Variants in AASS observed in about 807,000 individuals in gnomAD.
AASS encodes the protein aminoadipate-semialdehyde synthase.
Under a neutral mutation model 105.4 loss-of-function variants are expected in AASS, and 86 were observed. The ratio of observed to expected loss-of-function variants is 0.82; its 90% CI spans 0.69 to 0.98. The LOEUF (loss-of-function observed/expected upper bound fraction) is 0.98, where lower values mean the gene tolerates loss of function less well. AASS is among the 50% of genes least tolerant of loss of function. AASS has a pLI of 0.00. For missense variants in AASS, 1,048 were observed against 1,143.2 expected, an observed-to-expected ratio of 0.92 and a Z score of 1.20; for synonymous variants, 381 against 394.8, an observed-to-expected ratio of 0.96 and a Z score of 0.41.
chr7:122,116,456 C>T (rs1459211689), intron 8 of AASS, among the ~76,000 whole-genome samples, 177 bp downstream of exon 8: 3 of 152,092 alleles, frequency 2.0e-5, no homozygotes, highest in Non-Finnish European at 2.9e-5. Flanking sequence ...AAGCACTAAG[C>T]GAGACTACTC....
At chr7:122,117,621 CTTAT>C (rs997545561) in intron 6 of AASS, among the ~76,000 whole-genome samples, 23 of 151,700 alleles carry the variant, frequency 1.5e-4, no homozygotes, top group Admixed American at 1.5e-3. Context: ...AATGAATTAT[CTTAT>C]TTATTTATTT....
chr7:122,141,909 A>C (rs893169016), intron 1 of AASS, among the ~76,000 whole-genome samples: 1 of 152,184 alleles, frequency 6.6e-6, no homozygotes, highest in Non-Finnish European at 1.5e-5. Flanking sequence ...TGAGAATTAC[A>C]AAAACATTAG....
chr7:122,111,172 G>A (rs1794912491), intron 11 of AASS, among the ~76,000 whole-genome samples: 1 of 152,096 alleles, frequency 6.6e-6, no homozygotes, highest in Non-Finnish European at 1.5e-5. Flanking sequence ...ACATTGTAAA[G>A]TGGTTTTTAT....
intron 19 of AASS, among the ~76,000 whole-genome samples, chr7:122,085,064 G>C (rs1002461827): frequency 1.3e-5 from 2 of 152,146 alleles, no homozygotes; most frequent in African/African-American, 4.8e-5. Flanking sequence ...CCTGGATTTA[G>C]GGTGAACCCT....
At chr7:122,108,424 A>G (rs893103502) in intron 11 of AASS, among the ~76,000 whole-genome samples, 1 of 152,126 alleles carries the variant, frequency 6.6e-6, no homozygotes, top group Non-Finnish European at 1.5e-5. Flanking sequence ...AAAATTTTCA[A>G]CAAAATACTA....
intron 13 of AASS, 52 bp from the exon 14 acceptor site, chr7:122,098,918 T>A: frequency 6.7e-7 from 1 of 1,501,334 alleles, no homozygotes. Context: ...AATTAAAAAT[T>A]TTTTTTTAAA....
At chr7:122,097,034 T>C (rs1794188350) in intron 15 of AASS, among the ~76,000 whole-genome samples, 1 of 152,134 alleles carries the variant, frequency 6.6e-6, no homozygotes, top group Non-Finnish European at 1.5e-5. Context: ...CAATTTTTTC[T>C]AAATAAAAAT....
chr7:122,092,751 T>G, intron 17 of AASS, 92 bp downstream of exon 17: 2 of 1,099,734 alleles, frequency 1.8e-6, no homozygotes, highest in Non-Finnish European at 2.8e-6. Flanking sequence ...TAACTTTGAT[T>G]AAAGGTGTTG....
intron 3 of AASS, 88 bp from the exon 4 acceptor site, chr7:122,126,547 A>AT: frequency 1.8e-6 from 2 of 1,124,176 alleles, no homozygotes; most frequent in Non-Finnish European, 2.7e-6. Context: ...AATATTTCAC[A>AT]TTTTTTCCTC....
At position 122,093,097 on chromosome 7, in the gene AASS, T is replaced by C. The variant is rs1161266531; in HGVS notation, c.1717A>G (p.Met573Val). The C allele has an allele frequency of 1.9e-6, 3 of 1,613,888 alleles. No homozygotes were observed. The African/African-American group carries it at 4.0e-5, about 22-fold the overall frequency. The change falls in exon 16 of 24, where the codon ATG becomes GTG. Residue 573 changes from methionine (M) to valine (V), a missense_variant. By Grantham distance (21) the Met-to-Val change is conservative (BLOSUM62 1). Coordinates refer to ENST00000417368, the MANE Select transcript of AASS (RefSeq NM_005763.4). ...GGTGTGATGTAGCTTGCAGTGACCA[T>C]GTTAACTTTGTTTGTGATGCAGGCC... ...AKACITNKVN[M>V]VTASYITPAL... is the part of the protein sequence containing the mutation.
intron 11 of AASS, among the ~76,000 whole-genome samples, chr7:122,112,874 G>T (rs1037960379): frequency 2.6e-5 from 4 of 152,232 alleles, no homozygotes; most frequent in Middle Eastern, 3.4e-3. Context: ...CTTAATAAAA[G>T]ACCTATAATG....
chr7:122,134,445 C>T (rs930511756), intron 1 of AASS, among the ~76,000 whole-genome samples: 8 of 152,250 alleles, frequency 5.3e-5, no homozygotes, highest in African/African-American at 1.9e-4. Context: ...TTGCTTACTG[C>T]AGTCTGGGCT....
At chr7:122,080,741 T>C (rs1461063768) in intron 20 of AASS, among the ~76,000 whole-genome samples, 1 of 152,178 alleles carries the variant, frequency 6.6e-6, no homozygotes, top group Non-Finnish European at 1.5e-5. Flanking sequence ...TATATACACC[T>C]ACTATGTACC....
intron 15 of AASS, among the ~76,000 whole-genome samples, chr7:122,096,957 G>A (rs1794182240): frequency 6.6e-6 from 1 of 152,078 alleles, no homozygotes; most frequent in South Asian, 2.1e-4. Context: ...CAGAAGGCTA[G>A]ATCATTCTAT....
chr7:122,123,033 TCA>T (rs1239880837), intron 4 of AASS, among the ~76,000 whole-genome samples: 2 of 152,148 alleles, frequency 1.3e-5, no homozygotes, highest in Non-Finnish European at 2.9e-5. Flanking sequence ...CCTTATACAT[TCA>T]GTTAAGTCTC....
chr7:122,101,786 G>C (rs1794444100), intron 11 of AASS, 106 bp from the exon 12 acceptor site: 1 of 897,808 alleles, frequency 1.1e-6, no homozygotes, highest in African/African-American at 1.7e-5. Context: ...AATAATTTAA[G>C]AAACAGTTTT....
intron 11 of AASS, among the ~76,000 whole-genome samples, chr7:122,107,738 G>A (rs536547625): frequency 6.6e-6 from 1 of 152,144 alleles, no homozygotes; most frequent in Admixed American, 6.5e-5. Context: ...ACACACACTG[G>A]GGCCTTCCTG....
intron 22 of AASS, 44 bp from the exon 23 acceptor site, chr7:122,078,058 A>G: frequency 6.4e-7 from 1 of 1,573,532 alleles, no homozygotes; most frequent in Non-Finnish European, 8.7e-7. Flanking sequence ...TATCATTACA[A>G]CTCAAATATT....
chr7:122,094,720 C>G (rs1487696719), intron 15 of AASS, among the ~76,000 whole-genome samples: 1 of 152,130 alleles, frequency 6.6e-6, no homozygotes, highest in East Asian at 1.9e-4. Context: ...AAAACCCAAT[C>G]AAAGTTGAGC....
Sources: allele counts gnomAD v4.1 joint callset (sites outside exome capture counted in the v4.1 genomes callset), GRCh38; gene constraint gnomAD v4.1.1; transcripts MANE v1.5; gene names NCBI Gene and HGNC (gene_info 2026-07-23, HGNC 2026-07-21).